Variants in ANK2 observed in about 807,000 individuals in gnomAD.
ANK2 encodes the protein ankyrin 2.
Under a neutral mutation model 360.5 loss-of-function variants are expected in ANK2, and 83 were observed. The ratio of observed to expected loss-of-function variants is 0.23; its 90% CI spans 0.19 to 0.28. The LOEUF (loss-of-function observed/expected upper bound fraction) is 0.28, where lower values mean the gene tolerates loss of function less well. Among genes scored for constraint, ANK2 ranks in the 10% least tolerant of loss-of-function variants. The probability of loss-of-function intolerance (pLI) is 1.00; values close to 1 mark genes in which losing one functional copy is unlikely to be tolerated. For synonymous variants in ANK2, 1,740 were observed against 1,759.5 expected, an observed-to-expected ratio of 0.99 and a Z score of 0.28; for missense variants, 4,201 against 4,795.7, an observed-to-expected ratio of 0.88 and a Z score of 3.66.
chr4:113,219,909 G>T (rs1440252384), intron 4 of ANK2, among the ~76,000 whole-genome samples: 4 of 152,178 alleles, frequency 2.6e-5, no homozygotes, highest in African/African-American at 9.6e-5. Context: ...AAGAAAAACA[G>T]CTCCTCATTA....
Position 113,358,242 on chromosome 4 carries a change from C to T in ANK2, c.9624C>T (p.Ala3208=), listed in dbSNP as rs1184416650. ...AQLNSQMGIS[A]STETPTKEAV... is the part of the protein sequence containing the mutation. ...TTAACTCCCAAATGGGGATTTCAGC[C>T]TCCACTGAAACACCTACAAAAGAAG... Residue 3208 remains alanine, a synonymous_variant, in exon 38 of 46, where the codon GCC becomes GCT. Coordinates refer to ENST00000357077, the MANE Select transcript of ANK2 (RefSeq NM_001148.6). 1 of 1,614,096 alleles carries T rather than the reference C, an allele frequency of 6.2e-7. No homozygotes were observed. The highest frequency in any genetic ancestry group is 8.5e-7 in the Non-Finnish European group (1 of 1,179,968).
rs539543839 is a variant in ANK2 at position 113,269,853 on chromosome 4, G to C, written c.1486-4599G>C. On this transcript the variant is annotated intron_variant, in intron 14 of 45. Coordinates refer to ENST00000357077, the MANE Select transcript of ANK2 (RefSeq NM_001148.6). ...CAATGAATTTAATAGACATTTTCTTGTAACAGGTTCCACAGATCTTCATGC... is the reference window on the plus strand; with the variant it reads ...CAATGAATTTAATAGACATTTTCTTCTAACAGGTTCCACAGATCTTCATGC... Among the ~76,000 whole-genome samples, 46 of 152,300 alleles carry C rather than the reference G, an allele frequency of 3.0e-4. 1 individual carries two copies. The highest frequency in any genetic ancestry group is 1.0e-3 in the African/African-American group (42 of 41,564).
chr4:113,251,670 G>A (rs1210910429), intron 10 of ANK2, among the ~76,000 whole-genome samples: 2 of 151,528 alleles, frequency 1.3e-5, no homozygotes, highest in Admixed American at 1.3e-4. Context: ...TTTTAGGAGA[G>A]ACGGGGTTTC....
the ANK2 span, chr4:112,788,376 A>G: frequency 6.4e-7 from 1 of 1,568,202 alleles, no homozygotes; most frequent in African/African-American, 1.3e-5. Context: ...AGGGCAGGCA[A>G]GAAGACAGCC....
the ANK2 span, among the ~76,000 whole-genome samples, chr4:112,737,759 G>C: frequency 6.6e-6 from 1 of 152,156 alleles, no homozygotes; most frequent in East Asian, 1.9e-4. Flanking sequence ...GCTTCTTCCT[G>C]GCTTGGTAGT....
At chr4:112,923,498 A>C (rs1052300477) in intron 2 of ANK2, among the ~76,000 whole-genome samples, 2 of 151,970 alleles carry the variant, frequency 1.3e-5, no homozygotes, top group Non-Finnish European at 2.9e-5. Flanking sequence ...AGCTCAAGTG[A>C]TACATAAAAT....
chr4:113,021,541 C>CACACACACACATATATATATATATAT (rs1489947974), intron 2 of ANK2, among the ~76,000 whole-genome samples: 9 of 95,638 alleles, frequency 9.4e-5, no homozygotes, highest in African/African-American at 1.5e-4. Flanking sequence ...CACACACAAA[C>CACACACACACATATATATATATATAT]ATATATATAT....
At chr4:112,880,692 G>A (rs2076455758) in intron 1 of ANK2, 1 of 152,188 alleles carries the variant, frequency 6.6e-6, no homozygotes, top group Non-Finnish European at 1.5e-5. Flanking sequence ...ATTAGCAGAT[G>A]GAAGTGTGTC....
At chr4:113,182,044 G>A (rs1012935883) in intron 2 of ANK2, among the ~76,000 whole-genome samples, 2 of 152,204 alleles carry the variant, frequency 1.3e-5, no homozygotes, top group Non-Finnish European at 2.9e-5. Context: ...TAGGTGAGAA[G>A]TGAGGTGTTT....
At chr4:113,255,649 G>A in intron 10 of ANK2, 86 bp from the exon 11 acceptor site, 1 of 1,397,186 alleles carries the variant, frequency 7.2e-7, no homozygotes, top group Non-Finnish European at 1.0e-6. Flanking sequence ...CTGTGTTAGA[G>A]ATCAAGAATC....
chr4:113,079,039 G>C (rs2081273975), intron 1 of ANK2, among the ~76,000 whole-genome samples: 1 of 152,058 alleles, frequency 6.6e-6, no homozygotes, highest in South Asian at 2.1e-4. Flanking sequence ...ACGTTGACTT[G>C]CTCCCAAAAT....
Position 113,232,213 on chromosome 4 carries a change from TAAA to T in ANK2, c.439_441del (p.Lys147del). The T allele has an allele frequency of 1.2e-6, 2 of 1,608,728 alleles. No homozygotes were observed. The highest frequency in any genetic ancestry group is 1.7e-6 in the Non-Finnish European group (2 of 1,175,182). On this transcript the variant is annotated inframe_deletion, in exon 5 of 46. Coordinates refer to ENST00000357077, the MANE Select transcript of ANK2 (RefSeq NM_001148.6). ...GCCCAAGAGAATCACATTGATGTTG[TAAA>T]ATATTTGCTGGAAAATGGAGCTAAT... is the stretch of plus-strand genomic sequence containing the variant.
chr4:113,158,662 C>T (rs1249243200), intron 1 of ANK2, among the ~76,000 whole-genome samples: 1 of 152,132 alleles, frequency 6.6e-6, no homozygotes, highest in Non-Finnish European at 1.5e-5. Context: ...ATGGCACAAC[C>T]TAAACACCTT....
rs1370610821 is a variant in ANK2, at chr4:113,333,047, A to G, written c.3225-7A>G. ...TCCACACTGAATGTTCTGCATTGCTATGTCAGGCCTGTGATCGTGGAGATC... is the reference window on the plus strand; with the variant it reads ...TCCACACTGAATGTTCTGCATTGCTGTGTCAGGCCTGTGATCGTGGAGATC... On this transcript the variant is annotated splice_region_variant and splice_polypyrimidine_tract_variant and intron_variant, in intron 28 of 45. Coordinates refer to ENST00000357077, the MANE Select transcript of ANK2 (RefSeq NM_001148.6). 3.1e-6 allele frequency: 5 copies of G among 1,614,170 alleles called. No individual in the cohort carries two copies. In the African/African-American group the frequency reaches 4.0e-5, roughly 13 times the overall value.
intron 1 of ANK2, among the ~76,000 whole-genome samples, chr4:112,824,426 T>C (rs1047153333): frequency 5.3e-5 from 8 of 152,158 alleles, no homozygotes; most frequent in Admixed American, 3.3e-4. Flanking sequence ...GGTCTTGAAC[T>C]CCTGGCTTCA....
rs760733468 is a variant in ANK2, at chr4:113,355,559, G to C, written c.6941G>C (p.Gly2314Ala). The change falls in exon 38 of 46, where the codon GGC becomes GCC. Residue 2314 changes from glycine to alanine, a missense_variant. This residue lies in a region of ANK2 where 2,642 missense variants were observed against 2,714.5 expected (regional missense o/e 0.97). Transcript: ENST00000357077. ...AGTTTTCAGAAAGAGGCCACTCTAG[G>C]CTCTCCCAAAGACACAAGCCCTAAA... ...TESFQKEATLGSPKDTSPKRQ... is the reference protein window; with the variant it reads ...TESFQKEATLASPKDTSPKRQ... The C allele has an allele frequency of 6.2e-7, 1 of 1,614,074 alleles. No homozygotes were observed. The highest frequency in any genetic ancestry group is 1.1e-5 in the South Asian group (1 of 91,070).
chr4:112,902,409 C>T (rs1295691974), intron 1 of ANK2, among the ~76,000 whole-genome samples: 4 of 152,172 alleles, frequency 2.6e-5, no homozygotes, highest in Non-Finnish European at 5.9e-5. Context: ...TTCCTGTTGG[C>T]GCATTCACTA....
rs1184265938 is a variant in ANK2 at position 112,951,081 on chromosome 4, C to CAAAAAAAA, written c.21+46585_21+46592dup. ...TGGGCGACAGAGCGAGCCTCCGTCT[C>CAAAAAAAA]AAAAAAAAAAAAAAAAAAAAAAAAA... is the stretch of plus-strand genomic sequence containing the variant. On this transcript the variant is annotated intron_variant, in intron 2 of 30. Coordinates refer to the ANK2 transcript ENST00000503271. Among the ~76,000 whole-genome samples the CAAAAAAAA allele has an allele frequency of 1.6e-3, 90 of 55,938 alleles. 1 individual carries two copies. The highest frequency in any genetic ancestry group is 3.6e-3 in the African/African-American group (54 of 15,160). 36.7% of individuals were successfully genotyped at this position (55,938 alleles called of 152,430 possible).
At chr4:113,255,097 A>T (rs1211609262) in intron 10 of ANK2, among the ~76,000 whole-genome samples, 1 of 152,228 alleles carries the variant, frequency 6.6e-6, no homozygotes, top group African/African-American at 2.4e-5. Context: ...CATATTAATG[A>T]AGACAAATTT....
Sources: gnomAD v4.1 joint callset for allele counts (sites outside exome capture counted in the v4.1 genomes callset) on GRCh38, gnomAD v4.1.1 for gene constraint, gnomAD v4.1.1 regional missense constraint, MANE v1.5 for transcripts, NCBI Gene and HGNC (gene_info 2026-07-23, HGNC 2026-07-21) for gene names.